The following CCDC30 variants were observed in gnomAD, a reference collection of about 807,000 sequenced individuals.
CCDC30 encodes the protein coiled-coil domain containing 30, also known as coiled-coil domain-containing protein 30.
A neutral mutation model predicts 100.2 loss-of-function variants in CCDC30; 70 were observed. The observed-to-expected ratio is 0.70, with a 90% CI of 0.58 to 0.85. The LOEUF is 0.85. Among genes scored for constraint, CCDC30 ranks in the 40% least tolerant of loss-of-function variants. The pLI is 0.00. For synonymous variants in CCDC30, 233 were observed against 269.5 expected (o/e 0.86, Z 1.33); for missense variants, 652 against 771.2 (o/e 0.85, Z 1.83).
intron 6 of CCDC30, among the ~76,000 whole-genome samples, chr1:42,507,906 AT>A (rs1261693771): frequency 7.2e-5 from 11 of 152,092 alleles, no homozygotes; most frequent in Non-Finnish European, 1.5e-5. Flanking sequence ...AGACTTTTTT[AT>A]TTCTTAAAAA....
the CCDC30 span, chr1:42,457,074 G>A: frequency 6.3e-7 from 1 of 1,592,998 alleles, no homozygotes; most frequent in Non-Finnish European, 8.5e-7. Flanking sequence ...AATCCGCTAG[G>A]TGCGTGCCCT....
rs557428521 is a variant in CCDC30, at chr1:42,575,483, A to G, written c.637-1537A>G. Among the ~76,000 whole-genome samples the G allele has an allele frequency of 3.3e-5, 5 of 152,002 alleles. No homozygotes were observed. The South Asian group carries it at 1.0e-3, about 32-fold the overall frequency. On this transcript the variant is annotated intron_variant, in intron 7 of 16. Coordinates refer to ENST00000668663, the Ensembl canonical transcript of CCDC30. Reference sequence around the variant, plus strand: ...GCTAACTTGGTGAAAGCCTGTCTCTACTAAAAGTACAAAAAAATTAGCTGG... The same window carrying G: ...GCTAACTTGGTGAAAGCCTGTCTCTGCTAAAAGTACAAAAAAATTAGCTGG...
At chr1:42,523,948 T>C (rs1644686349) in intron 6 of CCDC30, among the ~76,000 whole-genome samples, 1 of 152,198 alleles carries the variant, frequency 6.6e-6, no homozygotes, top group South Asian at 2.1e-4. Flanking sequence ...TTTTAGGTTT[T>C]CTATCTCTTT....
chr1:42,637,156 C>G, intron 11 of CCDC30, 81 bp from the exon 16 acceptor site: 2 of 1,127,494 alleles, frequency 1.8e-6, no homozygotes, highest in Non-Finnish European at 2.5e-6. Flanking sequence ...GAAGAGGACA[C>G]CCAAGAAAGG....
At chr1:42,630,113 T>C (rs1378221352) in intron 11 of CCDC30, among the ~76,000 whole-genome samples, 2 of 151,696 alleles carry the variant, frequency 1.3e-5, no homozygotes, top group African/African-American at 4.8e-5. Flanking sequence ...TAGCTGGAAT[T>C]ACAGGCATGT....
Position 42,589,310 on chromosome 1 carries a change from A to T in CCDC30, c.1002-11A>T. ...TCATGGTGTGATTTAATCTACATTA[A>T]TTGCCCTCAGGAAACTTCTATATCA... is the stretch of plus-strand genomic sequence containing the variant. On this transcript the variant is annotated splice_polypyrimidine_tract_variant and intron_variant, in intron 9 of 16. Coordinates refer to ENST00000668663, the Ensembl canonical transcript of CCDC30. The T allele has an allele frequency of 6.3e-7, 1 of 1,576,022 alleles. No homozygotes were observed. Among genetic ancestry groups the T allele is most frequent in the East Asian group, 2.2e-5 (1 of 44,460 alleles).
At chr1:42,468,295 A>G (rs1643656792) in intron 1 of CCDC30, among the ~76,000 whole-genome samples, 1 of 152,254 alleles carries the variant, frequency 6.6e-6, no homozygotes. Context: ...CTCTCCTGAT[A>G]TTATAGCATC....
chr1:42,655,867 CTT>C (rs766715541), downstream of CCDC30, among the ~76,000 whole-genome samples: 1,151 of 87,250 alleles, frequency 0.013, 5 homozygotes, highest in African/African-American at 0.048. Flanking sequence ...GCTGTTTTTA[CTT>C]TTTTTTTTTT....
At chr1:42,586,455 C>T (rs939652667) in intron 9 of CCDC30, among the ~76,000 whole-genome samples, 1 of 151,916 alleles carries the variant, frequency 6.6e-6, no homozygotes, top group Non-Finnish European at 1.5e-5. Context: ...TATAGGCATA[C>T]CCAACATGCC....
In CCDC30 at chr1:42,592,409, T is replaced by G. The variant is rs77667008; in HGVS notation, c.1164+2926T>G. On this transcript the variant is annotated intron_variant, in intron 10 of 16. Coordinates refer to ENST00000668663, the Ensembl canonical transcript of CCDC30. ...GTGTGCTCTTCATGAGATCTGGTTG[T>G]TTGAAAGTATGTAGCCAGGCATGGT... 48 of 152,256 alleles carry G rather than the reference T, an allele frequency of 3.2e-4. 1 individual carries two copies. The highest frequency in any genetic ancestry group is 1.1e-3 in the African/African-American group (44 of 41,522). 9.4% of individuals were successfully genotyped at this position (152,256 alleles called of 1,614,324 possible). A position where few individuals can be genotyped will look rare whatever the true frequency, so the allele number is the denominator to read the frequency against.
chr1:42,465,064 C>T (rs1643527218), intron 1 of CCDC30, among the ~76,000 whole-genome samples: 1 of 152,168 alleles, frequency 6.6e-6, no homozygotes, highest in South Asian at 2.1e-4. Flanking sequence ...TTCCTTTCCT[C>T]TTCTAATATG....
intron 10 of CCDC30, among the ~76,000 whole-genome samples, chr1:42,609,373 A>C (rs754860672): frequency 3.9e-5 from 6 of 152,174 alleles, no homozygotes; most frequent in Non-Finnish European, 8.8e-5. Flanking sequence ...TTAACTGCTT[A>C]TGTTGTTGAT....
At chr1:42,466,323 A>C (rs1643580647) in intron 1 of CCDC30, among the ~76,000 whole-genome samples, 2 of 152,168 alleles carry the variant, frequency 1.3e-5, no homozygotes, top group South Asian at 4.1e-4. Context: ...GAGAGTACCT[A>C]CCAGGAGAAA....
intron 2 of CCDC30, among the ~76,000 whole-genome samples, chr1:42,482,399 A>T (rs577178227): frequency 1.9e-4 from 29 of 152,276 alleles, no homozygotes; most frequent in Non-Finnish European, 3.8e-4. Flanking sequence ...CAATACACTC[A>T]TATCTCTTGG....
intron 6 of CCDC30, 39 bp from the exon 9 acceptor site, chr1:42,545,371 A>G: frequency 6.7e-7 from 1 of 1,493,374 alleles, no homozygotes. Context: ...AAATAAAAGT[A>G]TGCAAAATAG....
At chr1:42,583,266 T>A (rs943287666) in intron 9 of CCDC30, among the ~76,000 whole-genome samples, 1 of 152,228 alleles carries the variant, frequency 6.6e-6, no homozygotes, top group Non-Finnish European at 1.5e-5. Flanking sequence ...AATTTGATGT[T>A]TGTTCTTGCT....
rs1242335270 is a variant in CCDC30, at chr1:42,465,660, C to T, written c.-92+1762C>T. Among the ~76,000 whole-genome samples the T allele has an allele frequency of 2.6e-5, 4 of 152,152 alleles. No homozygotes were observed. In the South Asian group the frequency reaches 8.3e-4, roughly 32 times the overall value. On this transcript the variant is annotated intron_variant, in intron 1 of 16. Coordinates refer to ENST00000668663, the Ensembl canonical transcript of CCDC30. ...GATTACAAGTGTGAGCCACGGTACC[C>T]GACCTCTAGCACAGTTTTAAACCTG...
intron 15 of CCDC30, among the ~76,000 whole-genome samples, chr1:42,652,752 GATA>G (rs780470537): frequency 1.2e-4 from 19 of 152,086 alleles, no homozygotes; most frequent in Non-Finnish European, 2.5e-4. Flanking sequence ...TTGAAAACAT[GATA>G]ATATTTTAAA....
chr1:42,534,847 G>A (rs1195677293), intron 6 of CCDC30: 4 of 152,024 alleles, frequency 2.6e-5, no homozygotes, highest in Admixed American at 2.6e-4. Flanking sequence ...CTTTTTTTCA[G>A]TATTTTTTAA....
Sources: allele counts gnomAD v4.1 joint callset (sites outside exome capture counted in the v4.1 genomes callset), GRCh38; gene constraint gnomAD v4.1.1; transcripts MANE v1.5; gene names NCBI Gene and HGNC (gene_info 2026-07-23, HGNC 2026-07-21).